GRID2: variants seen among roughly 807,000 people sequenced by gnomAD.
GRID2 encodes glutamate ionotropic receptor delta type subunit 2, also known as glutamate receptor ionotropic, delta-2.
A neutral mutation model predicts 114.8 loss-of-function variants in GRID2; 33 were observed. The ratio of observed to expected loss-of-function variants is 0.29; its 90% CI spans 0.22 to 0.38. GRID2 has a LOEUF of 0.38. Among genes scored for constraint, GRID2 ranks in the 10% least tolerant of loss-of-function variants. The pLI is 1.00. For synonymous variants in GRID2, 505 were observed against 449.9 expected, an observed-to-expected ratio of 1.12 and a Z score of -1.55; for missense variants, 1,184 against 1,257.7, an observed-to-expected ratio of 0.94 and a Z score of 0.89.
At chr4:93,505,252 C>T (rs185882034) in intron 12 of GRID2, among the ~76,000 whole-genome samples, 88 of 152,034 alleles carry the variant, frequency 5.8e-4, no homozygotes, top group African/African-American at 1.9e-3. Context: ...GGGAAATTAA[C>T]GGGAATTAGT....
At chr4:93,543,374 A>G (rs150276998) in intron 13 of GRID2, among the ~76,000 whole-genome samples, 380 of 152,326 alleles carry the variant, frequency 2.5e-3, no homozygotes, top group South Asian at 0.013. Flanking sequence ...TGAGTTGCCA[A>G]CAGAGTAAAC....
At chr4:93,536,143 T>A (rs936848563) in intron 13 of GRID2, among the ~76,000 whole-genome samples, 1 of 152,020 alleles carries the variant, frequency 6.6e-6, no homozygotes, top group South Asian at 2.1e-4. Flanking sequence ...GAGGGATCTA[T>A]AGATTCAATG....
chr4:92,480,435 C>T (rs1429368743), intron 1 of GRID2, among the ~76,000 whole-genome samples: 1 of 152,086 alleles, frequency 6.6e-6, no homozygotes, highest in Non-Finnish European at 1.5e-5. Context: ...AGCTTATCAT[C>T]AAGAACTCCA....
At chr4:93,637,041 TATTC>T (rs1170840927) in intron 14 of GRID2, among the ~76,000 whole-genome samples, 2 of 152,192 alleles carry the variant, frequency 1.3e-5, no homozygotes, top group Non-Finnish European at 2.9e-5. Context: ...AGAGCAGGAA[TATTC>T]ATTAGGAAAT....
intron 12 of GRID2, among the ~76,000 whole-genome samples, chr4:93,499,358 A>G (rs1318791314): frequency 6.6e-6 from 1 of 151,896 alleles, no homozygotes; most frequent in Non-Finnish European, 1.5e-5. Flanking sequence ...CCATCCTCAA[A>G]ATTGGCTTGA....
chr4:92,679,131 G>A (rs753721579), intron 2 of GRID2, among the ~76,000 whole-genome samples: 6 of 151,980 alleles, frequency 3.9e-5, no homozygotes, highest in East Asian at 1.9e-4. Flanking sequence ...AACCATGGAA[G>A]GATCTATTTC....
At chr4:93,622,717 C>A (rs1742321464) in intron 13 of GRID2, among the ~76,000 whole-genome samples, 1 of 152,208 alleles carries the variant, frequency 6.6e-6, no homozygotes, top group African/African-American at 2.4e-5. Context: ...TAAGTATCCA[C>A]TGAGCACAGT....
At chr4:93,445,724 T>G (rs759342307) in intron 10 of GRID2, among the ~76,000 whole-genome samples, 7 of 152,016 alleles carry the variant, frequency 4.6e-5, no homozygotes, top group Non-Finnish European at 7.4e-5. Context: ...ATTCACTGAT[T>G]TATCATGTGT....
intron 2 of GRID2, among the ~76,000 whole-genome samples, chr4:92,592,860 GA>G (rs1445896356): frequency 6.6e-6 from 1 of 151,434 alleles, no homozygotes; most frequent in Non-Finnish European, 1.5e-5. Flanking sequence ...AAAAATAAGA[GA>G]AAATATTCTA....
At chr4:93,401,766 T>C (rs540360969) in intron 9 of GRID2, among the ~76,000 whole-genome samples, 1 of 152,126 alleles carries the variant, frequency 6.6e-6, no homozygotes, top group South Asian at 2.1e-4. Context: ...CAAAGCAATA[T>C]CCAAAATATC....
intron 1 of GRID2, among the ~76,000 whole-genome samples, chr4:92,494,569 G>C (rs1723299875): frequency 6.6e-6 from 1 of 151,994 alleles, no homozygotes; most frequent in Non-Finnish European, 1.5e-5. Flanking sequence ...TCACAAATCT[G>C]TAAAAGAGAG....
intron 2 of GRID2, among the ~76,000 whole-genome samples, chr4:92,763,147 C>A (rs538946047): frequency 3.3e-5 from 5 of 152,242 alleles, no homozygotes; most frequent in African/African-American, 1.2e-4. Context: ...GCTATTGTAA[C>A]AATCTATAAT....
chr4:92,705,256 T>C (rs1007305054), intron 2 of GRID2, among the ~76,000 whole-genome samples: 31 of 152,184 alleles, frequency 2.0e-4, no homozygotes, highest in African/African-American at 5.8e-4. Flanking sequence ...GCAGCTAATA[T>C]AATCTATTTC....
At chr4:92,875,161 T>TC (rs1409001423) in intron 2 of GRID2, among the ~76,000 whole-genome samples, 70 of 144,458 alleles carry the variant, frequency 4.8e-4, no homozygotes, top group African/African-American at 1.7e-3. Flanking sequence ...TTTTTTTTTT[T>TC]TTTTTTTTTT....
chr4:92,669,428 C>A (rs558034786), intron 2 of GRID2, among the ~76,000 whole-genome samples: 1 of 152,030 alleles, frequency 6.6e-6, no homozygotes, highest in South Asian at 2.1e-4. Flanking sequence ...AGAGCTGAAA[C>A]AGAGTAACTG....
rs546911580 is a variant in GRID2 at position 92,606,704 on chromosome 4, G to A, written c.244+16418G>A. Among the ~76,000 whole-genome samples the A allele has an allele frequency of 5.9e-5, 9 of 151,914 alleles. No homozygotes were observed. The South Asian group carries it at 1.0e-3, about 18-fold the overall frequency. ...TTGGCTGCACTCCACCCAGACCTGCGTAATTTAACCCATTGAAAAAGAAGC... is the reference window on the plus strand; with the variant it reads ...TTGGCTGCACTCCACCCAGACCTGCATAATTTAACCCATTGAAAAAGAAGC... On this transcript the variant is annotated intron_variant, in intron 2 of 15. Transcript: ENST00000282020.
At chr4:93,220,252 A>G (rs181584310) in intron 6 of GRID2, among the ~76,000 whole-genome samples, 1 of 151,640 alleles carries the variant, frequency 6.6e-6, no homozygotes, top group Non-Finnish European at 1.5e-5. Context: ...ATATATATAT[A>G]TTTTTTTAGA....
At chr4:92,836,007 A>G (rs1161216052) in intron 2 of GRID2, among the ~76,000 whole-genome samples, 4 of 152,084 alleles carry the variant, frequency 2.6e-5, no homozygotes, top group African/African-American at 2.4e-5. Context: ...GAACCAAAAG[A>G]GCTTTCATTT....
rs1423099142 is a variant in GRID2 at position 93,483,692 on chromosome 4, T to A, written c.1859-6947T>A. On this transcript the variant is annotated intron_variant, in intron 11 of 15. Coordinates refer to ENST00000282020, the MANE Select transcript of GRID2 (RefSeq NM_001510.4). ...CTAATGTATACAGTAGCAAGGTTAATGTAGTTTTTCATGTGGTAAAACAAT... is the reference window on the plus strand; with the variant it reads ...CTAATGTATACAGTAGCAAGGTTAAAGTAGTTTTTCATGTGGTAAAACAAT... 3.3e-5 allele frequency among the ~76,000 whole-genome samples: 5 copies of A among 152,156 alleles called. No homozygotes were observed. The East Asian group carries it at 9.7e-4, about 30-fold the overall frequency.
Sources: allele counts gnomAD v4.1 joint callset (sites outside exome capture counted in the v4.1 genomes callset), GRCh38; gene constraint gnomAD v4.1.1; transcripts MANE v1.5; gene names NCBI Gene and HGNC (gene_info 2026-07-23, HGNC 2026-07-21).